Variants in SYTL3 observed in about 807,000 individuals in gnomAD.
The protein encoded by SYTL3 is synaptotagmin-like protein 3.
In SYTL3, 88 loss-of-function variants were observed where a neutral mutation model predicts 82.1. The ratio of observed to expected loss-of-function variants is 1.07; its 90% CI spans 0.90 to 1.28. The LOEUF is 1.28. Among genes scored for constraint, SYTL3 ranks in the 50% most tolerant of loss-of-function variants. SYTL3 has a pLI of 0.00. For missense variants in SYTL3, 831 were observed against 757.6 expected (o/e 1.10, Z -1.14); for synonymous variants, 311 against 289.4 (o/e 1.07, Z -0.76).
chr6:158,716,796 C>G (rs2128467996), intron 9 of SYTL3, among the ~76,000 whole-genome samples: 1 of 152,260 alleles, frequency 6.6e-6, no homozygotes, highest in African/African-American at 2.4e-5. Context: ...GCCACAGTGT[C>G]CATTGCAGTG....
chr6:158,674,445 A>G (rs995722979), intron 5 of SYTL3, among the ~76,000 whole-genome samples: 7 of 152,284 alleles, frequency 4.6e-5, no homozygotes, highest in African/African-American at 1.7e-4. Context: ...ATGCACGGTC[A>G]CAGAGGCTGC....
At position 158,748,184 on chromosome 6, in the gene SYTL3, T is replaced by C. The variant is rs548176184; in HGVS notation, c.1034+2526T>C. On this transcript the variant is annotated intron_variant, in intron 12 of 17. Coordinates refer to ENST00000611299, the MANE Select transcript of SYTL3 (RefSeq NM_001242394.2). Reference sequence around the variant, plus strand: ...AGTTTTGCCTTTCTTTTTTCTTACATGGGGAACTTCTGGCATACTGTTTTA... The same window carrying C: ...AGTTTTGCCTTTCTTTTTTCTTACACGGGGAACTTCTGGCATACTGTTTTA... 5.3e-5 allele frequency among the ~76,000 whole-genome samples: 8 copies of C among 152,144 alleles called. No homozygotes were observed. The South Asian group carries it at 1.7e-3, about 32-fold the overall frequency.
intron 11 of SYTL3, among the ~76,000 whole-genome samples, chr6:158,737,058 G>A (rs1186647267): frequency 3.4e-5 from 5 of 146,518 alleles, no homozygotes; most frequent in East Asian, 2.0e-4. Flanking sequence ...AAAAAACAAC[G>A]AAAAATCAAA....
chr6:158,745,139 T>C (rs1455674799), intron 11 of SYTL3, among the ~76,000 whole-genome samples: 1 of 151,892 alleles, frequency 6.6e-6, no homozygotes, highest in Non-Finnish European at 1.5e-5. Context: ...TGTCCTGCCA[T>C]GGATATTATC....
chr6:158,684,354 C>G (rs1779062607), intron 6 of SYTL3, among the ~76,000 whole-genome samples: 1 of 152,176 alleles, frequency 6.6e-6, no homozygotes, highest in Non-Finnish European at 1.5e-5. Context: ...AGTTTATTTT[C>G]TTTTTCAAAA....
chr6:158,751,655 C>T (rs1309420802), intron 12 of SYTL3, among the ~76,000 whole-genome samples: 1 of 152,116 alleles, frequency 6.6e-6, no homozygotes, highest in East Asian at 1.9e-4. Context: ...TGGAGTAGGG[C>T]CTGAGGAAGG....
At chr6:158,645,874 A>G (rs184472287), upstream of SYTL3, among the ~76,000 whole-genome samples, 1 of 152,246 alleles carries the variant, frequency 6.6e-6, no homozygotes, top group African/African-American at 2.4e-5. Flanking sequence ...TCTTAGCTCA[A>G]AATCTCCTAC....
chr6:158,733,162 C>T (rs149598906), intron 11 of SYTL3, among the ~76,000 whole-genome samples: 5 of 152,212 alleles, frequency 3.3e-5, no homozygotes, highest in East Asian at 3.9e-4. Context: ...GAAATAAGTA[C>T]GTTCTGTGTT....
chr6:158,713,221 A>G lies in SYTL3; in HGVS notation c.517-579A>G, dbSNP rs1782957316. 2.6e-5 allele frequency among the ~76,000 whole-genome samples: 4 copies of G among 152,112 alleles called. No individual in the cohort carries two copies. In the South Asian group the frequency reaches 8.3e-4, roughly 32 times the overall value. The stretch of plus-strand genomic sequence containing the variant: ...ATGGGTGGTAATGTAAGATGGATGG[A>G]TGTTTGGTGGCTAGATGGGTGGATG... On this transcript the variant is annotated intron_variant, in intron 8 of 17. Coordinates refer to ENST00000611299, the MANE Select transcript of SYTL3 (RefSeq NM_001242394.2).
chr6:158,710,647 A>G (rs1782661921), intron 8 of SYTL3, among the ~76,000 whole-genome samples: 1 of 152,210 alleles, frequency 6.6e-6, no homozygotes, highest in Admixed American at 6.5e-5. Context: ...GGCAGAATTC[A>G]TACACAACTA....
intron 2 of SYTL3, among the ~76,000 whole-genome samples, chr6:158,658,369 T>G (rs1336041231): frequency 6.6e-6 from 1 of 152,176 alleles, no homozygotes; most frequent in Non-Finnish European, 1.5e-5. Context: ...CTCCACACAT[T>G]CCTAAAGATG....
At chr6:158,706,002 T>C (rs1178381339) in intron 6 of SYTL3, among the ~76,000 whole-genome samples, 3 of 152,158 alleles carry the variant, frequency 2.0e-5, no homozygotes, top group Non-Finnish European at 4.4e-5. Flanking sequence ...CTCAGGGGGC[T>C]CCTGCAGGTG....
At chr6:158,714,815 G>A (rs1783171608) in intron 9 of SYTL3, among the ~76,000 whole-genome samples, 2 of 152,170 alleles carry the variant, frequency 1.3e-5, no homozygotes, top group Non-Finnish European at 2.9e-5. Context: ...ACTTGGCTCT[G>A]AGACAGTCTC....
chr6:158,673,440 A>C (rs1245137470), intron 5 of SYTL3, among the ~76,000 whole-genome samples: 1 of 134,506 alleles, frequency 7.4e-6, no homozygotes, highest in Non-Finnish European at 1.6e-5. Flanking sequence ...TGGGAATAGC[A>C]TTTTTTTTTT....
chr6:158,748,638 A>G (rs1583468411), intron 12 of SYTL3, among the ~76,000 whole-genome samples: 1 of 152,174 alleles, frequency 6.6e-6, no homozygotes, highest in African/African-American at 2.4e-5. Flanking sequence ...TGAGGTCAGG[A>G]GTTTGAGACC....
intron 6 of SYTL3, among the ~76,000 whole-genome samples, chr6:158,706,923 T>C (rs1240382015): frequency 3.9e-5 from 6 of 152,210 alleles, no homozygotes; most frequent in Non-Finnish European, 1.5e-5. Flanking sequence ...ATAAAAGTAG[T>C]CATTCCCAAC....
intron 2 of SYTL3, among the ~76,000 whole-genome samples, chr6:158,657,932 G>A (rs895342945): frequency 2.7e-5 from 4 of 147,986 alleles, no homozygotes; most frequent in South Asian, 2.1e-4. Context: ...TTGCTCTGTC[G>A]CCCAGGCTGG....
chr6:158,748,941 G>A (rs2128521045), intron 12 of SYTL3, among the ~76,000 whole-genome samples: 1 of 152,128 alleles, frequency 6.6e-6, no homozygotes, highest in Non-Finnish European at 1.5e-5. Flanking sequence ...TAATAAGGGG[G>A]TCAGGCTGGG....
At chr6:158,659,415 G>A (rs1218072738) in intron 2 of SYTL3, among the ~76,000 whole-genome samples, 1 of 152,136 alleles carries the variant, frequency 6.6e-6, no homozygotes, top group Non-Finnish European at 1.5e-5. Flanking sequence ...GAGTGCGATG[G>A]TGCGATCTTG....
Sources: gnomAD v4.1 joint callset for allele counts (sites outside exome capture counted in the v4.1 genomes callset) on GRCh38, gnomAD v4.1.1 for gene constraint, MANE v1.5 for transcripts, NCBI Gene and HGNC (gene_info 2026-07-23, HGNC 2026-07-21) for gene names.